Variants in EPHA3 observed in about 807,000 individuals in gnomAD.
EPHA3 encodes EPH receptor A3.
EPHA3 carries 42 observed loss-of-function variants against 107.1 expected under a neutral mutation model. That is an observed-to-expected ratio of 0.39 (90% CI 0.31 to 0.51). EPHA3 has a LOEUF of 0.51. EPHA3 is among the 20% of genes least tolerant of loss of function. The pLI is 0.78. For synonymous variants in EPHA3, 461 were observed against 424.8 expected, an observed-to-expected ratio of 1.09 and a Z score of -1.05; for missense variants, 1,183 against 1,211.2, an observed-to-expected ratio of 0.98 and a Z score of 0.35.
chr3:89,219,180 C>T (rs1282907030), intron 3 of EPHA3, among the ~76,000 whole-genome samples: 8 of 145,714 alleles, frequency 5.5e-5, no homozygotes, highest in Non-Finnish European at 6.0e-5. Flanking sequence ...TTTTTTTTTT[C>T]GAGATGGAGT....
intron 10 of EPHA3, among the ~76,000 whole-genome samples, chr3:89,414,649 A>G (rs1161270741): frequency 6.6e-6 from 1 of 151,606 alleles, no homozygotes; most frequent in African/African-American, 2.4e-5. Context: ...TGAGAGGAGG[A>G]AAAGGTTACT....
intron 13 of EPHA3, among the ~76,000 whole-genome samples, chr3:89,445,638 G>T (rs149554782): frequency 0.01 from 1,529 of 152,256 alleles, 27 homozygotes; most frequent in African/African-American, 0.035. Flanking sequence ...GAAAATAAAT[G>T]AGATTGCCCC....
intron 3 of EPHA3, among the ~76,000 whole-genome samples, chr3:89,233,872 C>A (rs1426876014): frequency 6.6e-6 from 1 of 152,172 alleles, no homozygotes; most frequent in Non-Finnish European, 1.5e-5. Context: ...GTATCAGGTG[C>A]TTATAAACCA....
At chr3:89,468,722 T>G (rs1207122456) in intron 15 of EPHA3, among the ~76,000 whole-genome samples, 1 of 152,154 alleles carries the variant, frequency 6.6e-6, no homozygotes, top group Admixed American at 6.5e-5. Context: ...TCTTATCAAT[T>G]TTTTAGTGGT....
intron 3 of EPHA3, among the ~76,000 whole-genome samples, chr3:89,281,234 A>T (rs1705941472): frequency 6.6e-6 from 1 of 152,108 alleles, no homozygotes; most frequent in Admixed American, 6.5e-5. Flanking sequence ...TGTGTTGCCC[A>T]GGCTGGTCTC....
chr3:89,422,672 A>G (rs1709374192), intron 11 of EPHA3, among the ~76,000 whole-genome samples: 1 of 151,446 alleles, frequency 6.6e-6, no homozygotes, highest in Admixed American at 6.6e-5. Flanking sequence ...AGATTTTACC[A>G]ATCAATTTGG....
intron 2 of EPHA3, among the ~76,000 whole-genome samples, chr3:89,157,401 C>T (rs1704830771): frequency 6.6e-6 from 1 of 151,984 alleles, no homozygotes; most frequent in Non-Finnish European, 1.5e-5. Flanking sequence ...CAGCTGTTAT[C>T]CATAACACCT....
intron 5 of EPHA3, among the ~76,000 whole-genome samples, chr3:89,364,023 GT>G (rs1184802092): frequency 6.7e-6 from 1 of 150,338 alleles, no homozygotes. Context: ...CACACTATAG[GT>G]TTTTTTTATT....
intron 3 of EPHA3, among the ~76,000 whole-genome samples, chr3:89,230,078 A>C (rs1704594056): frequency 6.6e-6 from 1 of 152,100 alleles, no homozygotes; most frequent in African/African-American, 2.4e-5. Flanking sequence ...AATAAAAGTT[A>C]GAAATTTACA....
chr3:89,442,619 C>T lies in EPHA3; in HGVS notation c.2347-6606C>T, dbSNP rs567667586. 3.9e-5 allele frequency among the ~76,000 whole-genome samples: 6 copies of T among 152,164 alleles called. No homozygotes were observed. The East Asian group carries it at 1.2e-3, about 29-fold the overall frequency. ...ATCTCGGGTGAAAGGTCAACAGTGC[C>T]CTTCTAGAGAAACCTTGCCTACAAG... On this transcript the variant is annotated intron_variant, in intron 13 of 16. Transcript: ENST00000336596.
At chr3:89,430,455 A>G (rs541577341) in intron 12 of EPHA3, among the ~76,000 whole-genome samples, 1 of 152,238 alleles carries the variant, frequency 6.6e-6, no homozygotes, top group Admixed American at 6.5e-5. Context: ...GGTGAGTTAA[A>G]ATATTATGAT....
chr3:89,195,248 C>T (rs1455854488), intron 2 of EPHA3, among the ~76,000 whole-genome samples: 2 of 151,988 alleles, frequency 1.3e-5, no homozygotes, highest in Non-Finnish European at 1.5e-5. Context: ...ACCTGTTTTG[C>T]TGCTCTTTCT....
intron 15 of EPHA3, among the ~76,000 whole-genome samples, chr3:89,471,111 T>C (rs1227911905): frequency 6.6e-6 from 1 of 151,934 alleles, no homozygotes; most frequent in African/African-American, 2.4e-5. Flanking sequence ...AATATATTGT[T>C]CACCTAGTGA....
chr3:89,165,258 G>C (rs1705037170), intron 2 of EPHA3, among the ~76,000 whole-genome samples: 1 of 152,122 alleles, frequency 6.6e-6, no homozygotes, highest in African/African-American at 2.4e-5. Flanking sequence ...CTTAAAATAA[G>C]ACAAATTGCC....
intron 5 of EPHA3, among the ~76,000 whole-genome samples, chr3:89,368,996 C>A (rs913178798): frequency 2.0e-5 from 3 of 150,508 alleles, no homozygotes; most frequent in Non-Finnish European, 4.5e-5. Context: ...GTGTTGCTGA[C>A]TCACAATTTG....
intron 3 of EPHA3, among the ~76,000 whole-genome samples, chr3:89,311,065 T>G (rs1559642268): frequency 6.6e-6 from 1 of 152,052 alleles, no homozygotes; most frequent in Non-Finnish European, 1.5e-5. Flanking sequence ...TAATGAAGAT[T>G]AAATAAAATG....
chr3:89,407,365 T>C lies in EPHA3; in HGVS notation c.1691T>C (p.Ile564Thr), dbSNP rs536008328. The change falls in exon 8 of 17, where the codon ATT becomes ACT. Residue 564 changes from isoleucine (I) to threonine (T), a missense_variant. Ile to Thr is a moderately conservative substitution (Grantham distance 89, BLOSUM62 -1). Coordinates refer to ENST00000336596, the MANE Select transcript of EPHA3 (RefSeq NM_005233.6). ...ILLTVVIYVL[I>T]GRFCGYKSKH... is the part of the protein sequence containing the mutation. ...CTCACTGTTGTCATCTATGTTTTGATTGGGAGGTGAGTTCACAGTCTGTTT... is the reference window on the plus strand; with the variant it reads ...CTCACTGTTGTCATCTATGTTTTGACTGGGAGGTGAGTTCACAGTCTGTTT... 21 of 1,612,892 alleles carry C rather than the reference T, an allele frequency of 1.3e-5. No homozygotes were observed. The South Asian group carries it at 1.6e-4, about 13-fold the overall frequency.
chr3:89,436,507 G>GT (rs1244719165), intron 13 of EPHA3, among the ~76,000 whole-genome samples: 1 of 152,194 alleles, frequency 6.6e-6, no homozygotes, highest in African/African-American at 2.4e-5. Context: ...TAGGTAGAGC[G>GT]TAGTTGCACT....
At chr3:89,133,519 G>C (rs1704249239) in intron 2 of EPHA3, among the ~76,000 whole-genome samples, 1 of 152,170 alleles carries the variant, frequency 6.6e-6, no homozygotes, top group Non-Finnish European at 1.5e-5. Context: ...TCTGCATCCT[G>C]CTAGTTGTGG....
Sources: allele counts gnomAD v4.1 joint callset (sites outside exome capture counted in the v4.1 genomes callset), GRCh38; gene constraint gnomAD v4.1.1; transcripts MANE v1.5; gene names NCBI Gene and HGNC (gene_info 2026-07-23, HGNC 2026-07-21).